Variants in C10orf88 observed in about 807,000 individuals in gnomAD.
C10orf88 encodes the protein chromosome 10 open reading frame 88.
C10orf88 carries 29 observed loss-of-function variants against 34.2 expected under a neutral mutation model. The observed-to-expected ratio is 0.85, with a 90% CI of 0.63 to 1.16. C10orf88 has a LOEUF of 1.16. Among genes scored for constraint, C10orf88 ranks in the 50% most tolerant of loss-of-function variants. The pLI is 0.00. For missense variants in C10orf88, 507 were observed against 533.2 expected, an observed-to-expected ratio of 0.95 and a Z score of 0.48; for synonymous variants, 194 against 197.4, an observed-to-expected ratio of 0.98 and a Z score of 0.15.
intron 4 of C10orf88, among the ~76,000 whole-genome samples, chr10:122,941,069 C>CGAAAGAT (rs1848576475): frequency 6.6e-6 from 1 of 151,774 alleles, no homozygotes; most frequent in African/African-American, 2.4e-5. Flanking sequence ...TTTGTATCAC[C>CGAAAGAT]TTTAATAATC....
In C10orf88 at chr10:122,930,997, G is replaced by C. The variant is rs1179575774; in HGVS notation, c.*1430C>G. The C allele has an allele frequency of 1.3e-5, 2 of 149,096 alleles. No individual in the cohort carries two copies. 9.2% of individuals were successfully genotyped at this position (149,096 alleles called of 1,614,324 possible). A position where few individuals can be genotyped will look rare whatever the true frequency, so the allele number is the denominator to read the frequency against. ...AACTTTTCAACTAATGAGGAGTGAG[G>C]GGGTTAAAATATAATTTTTCTAATA... On this transcript the variant is annotated 3_prime_UTR_variant, in exon 6 of 6. Coordinates refer to ENST00000481909, the MANE Select transcript of C10orf88 (RefSeq NM_024942.4).
In C10orf88 at chr10:122,948,969, C is replaced by T. The variant is rs190696352; in HGVS notation, c.442-114G>A. On this transcript the variant is annotated intron_variant, in intron 3 of 5. Transcript: ENST00000481909. ...AAGTATTCAAGAATCTAAAAATTAA[C>T]TTCAAGTATATTTTAAACTTTTCTC... The T allele has an allele frequency of 2.0e-5, 19 of 944,256 alleles. No individual in the cohort carries two copies. In the African/African-American group the frequency reaches 2.5e-4, roughly 12 times the overall value. The allele number at this position is 944,256 out of a possible 1,614,324, so 58.5% of individuals were successfully genotyped here.
chr10:122,950,954 T>C (rs1481602069), intron 3 of C10orf88, among the ~76,000 whole-genome samples: 1 of 152,216 alleles, frequency 6.6e-6, no homozygotes, highest in Non-Finnish European at 1.5e-5. Context: ...TAAGTAATGA[T>C]AATAAGTACA....
chr10:122,936,503 T>C (rs544752384), intron 5 of C10orf88, among the ~76,000 whole-genome samples: 1 of 152,076 alleles, frequency 6.6e-6, no homozygotes, highest in South Asian at 2.1e-4. Context: ...TTTGCTTGGC[T>C]TTAAAATTGT....
chr10:122,932,588 G>A lies in C10orf88; in HGVS notation c.1177C>T (p.Leu393Phe). 1 of 1,613,772 alleles carries A rather than the reference G, an allele frequency of 6.2e-7. No individual in the cohort carries two copies. The highest frequency in any genetic ancestry group is 8.5e-7 in the Non-Finnish European group (1 of 1,179,890). ...SKNMELMEKKLMDYIDQRIHE... is the reference protein window; with the variant it reads ...SKNMELMEKKFMDYIDQRIHE... ...ATTCGCTGATCAATGTAATCCATAA[G>A]TTTCTTTTCCATCAGTTCCATATTT... Residue 393 changes from leucine to phenylalanine, a missense_variant, in exon 6 of 6, where the codon CTT (leucine) becomes TTT (phenylalanine). Transcript: ENST00000481909.
At chr10:122,945,047 T>C (rs1848626359) in intron 4 of C10orf88, among the ~76,000 whole-genome samples, 1 of 150,484 alleles carries the variant, frequency 6.6e-6, no homozygotes, top group Non-Finnish European at 1.5e-5. Flanking sequence ...TGTGTATATA[T>C]ATATGTATAT....
At chr10:122,934,507 T>G (rs1176441061) in intron 5 of C10orf88, among the ~76,000 whole-genome samples, 1 of 152,192 alleles carries the variant, frequency 6.6e-6, no homozygotes, top group African/African-American at 2.4e-5. Context: ...TCCAAGTTGT[T>G]TTTTACTGCT....
chr10:122,942,062 T>TA, intron 4 of C10orf88, among the ~76,000 whole-genome samples: 1 of 152,100 alleles, frequency 6.6e-6, no homozygotes, highest in Non-Finnish European at 1.5e-5. Flanking sequence ...AATAAAACTA[T>TA]AAAAATTTAA....
At chr10:122,946,556 G>C (rs778417943) in intron 4 of C10orf88, among the ~76,000 whole-genome samples, 2 of 152,108 alleles carry the variant, frequency 1.3e-5, no homozygotes, top group Non-Finnish European at 2.9e-5. Flanking sequence ...GTGAATTGAT[G>C]CATGACTGTG....
At chr10:122,933,623 T>C (rs1391277531) in intron 5 of C10orf88, among the ~76,000 whole-genome samples, 1 of 152,210 alleles carries the variant, frequency 6.6e-6, no homozygotes, top group African/African-American at 2.4e-5. Flanking sequence ...ACAAAATCTA[T>C]GTTATTGCCC....
intron 4 of C10orf88, among the ~76,000 whole-genome samples, chr10:122,945,388 T>TCTTAA (rs1848630477): frequency 2.6e-5 from 4 of 152,198 alleles, no homozygotes; most frequent in Admixed American, 2.6e-4. Flanking sequence ...ATATTTTTAG[T>TCTTAA]CTTAAAGTAT....
At chr10:122,948,219 C>T (rs1848657061) in intron 4 of C10orf88, among the ~76,000 whole-genome samples, 2 of 152,092 alleles carry the variant, frequency 1.3e-5, no homozygotes, top group African/African-American at 4.8e-5. Context: ...TCTGAAATGG[C>T]CTTCTTCCAA....
chr10:122,952,771 G>C, intron 2 of C10orf88, 58 bp downstream of exon 2: 1 of 1,586,974 alleles, frequency 6.3e-7, no homozygotes, highest in Non-Finnish European at 8.6e-7. Flanking sequence ...ATTGCAAAAA[G>C]TGAGAAAAAT....
chr10:122,933,126 G>C (rs1380658110), intron 5 of C10orf88, among the ~76,000 whole-genome samples: 1 of 152,010 alleles, frequency 6.6e-6, no homozygotes, highest in East Asian at 1.9e-4. Context: ...ACTAGAATGG[G>C]CAAACTAACA....
chr10:122,943,108 G>A (rs1437572261), intron 4 of C10orf88, among the ~76,000 whole-genome samples: 4 of 150,028 alleles, frequency 2.7e-5, no homozygotes, highest in African/African-American at 4.9e-5. Flanking sequence ...GCATCACACT[G>A]CCTGACTTCA....
At chr10:122,935,866 T>G (rs1444500384) in intron 5 of C10orf88, among the ~76,000 whole-genome samples, 1 of 151,794 alleles carries the variant, frequency 6.6e-6, no homozygotes, top group African/African-American at 2.4e-5. Context: ...TTTTTTCATA[T>G]ATTTTATAAG....
intron 4 of C10orf88, among the ~76,000 whole-genome samples, chr10:122,942,979 C>T (rs1848600577): frequency 6.6e-6 from 1 of 150,400 alleles, no homozygotes; most frequent in East Asian, 1.9e-4. Context: ...AATGCCATCC[C>T]CATCAAGCTA....
chr10:122,947,515 T>C (rs774428941), intron 4 of C10orf88, among the ~76,000 whole-genome samples: 1 of 152,202 alleles, frequency 6.6e-6, no homozygotes, highest in Non-Finnish European at 1.5e-5. Context: ...CTTGCTACTC[T>C]ATCACACTGC....
intron 4 of C10orf88, among the ~76,000 whole-genome samples, chr10:122,945,374 T>C (rs1848630317): frequency 6.6e-6 from 1 of 152,220 alleles, no homozygotes; most frequent in Non-Finnish European, 1.5e-5. Context: ...GTATTTACTA[T>C]ACCATATTTT....
Sources: gnomAD v4.1 joint callset for allele counts (sites outside exome capture counted in the v4.1 genomes callset) on GRCh38, gnomAD v4.1.1 for gene constraint, MANE v1.5 for transcripts, NCBI Gene and HGNC (gene_info 2026-07-23, HGNC 2026-07-21) for gene names.